The following DPP10 variants were observed in gnomAD, a reference collection of about 807,000 sequenced individuals.
The protein encoded by DPP10 is inactive dipeptidyl peptidase 10.
A neutral mutation model predicts 120.9 loss-of-function variants in DPP10; 33 were observed. The observed-to-expected ratio is 0.27, with a 90% CI of 0.21 to 0.37. The LOEUF (loss-of-function observed/expected upper bound fraction) is 0.37, where lower values mean the gene tolerates loss of function less well. DPP10 is among the 10% of genes least tolerant of loss of function. The pLI is 1.00. For missense variants in DPP10, 816 were observed against 942.8 expected, an observed-to-expected ratio of 0.87 and a Z score of 1.76; for synonymous variants, 337 against 326.1, an observed-to-expected ratio of 1.03 and a Z score of -0.36.
At chr2:115,193,010 C>T (rs1477760646) in intron 1 of DPP10, among the ~76,000 whole-genome samples, 1 of 151,776 alleles carries the variant, frequency 6.6e-6, no homozygotes, top group Non-Finnish European at 1.5e-5. Flanking sequence ...AGGTATGAAT[C>T]CACATTCTTA....
intron 1 of DPP10, among the ~76,000 whole-genome samples, chr2:114,812,199 A>G (rs995568357): frequency 2.0e-5 from 3 of 152,174 alleles, no homozygotes; most frequent in East Asian, 3.8e-4. Context: ...GCAGGAACCT[A>G]TGGTCTCTTC....
intron 3 of DPP10, among the ~76,000 whole-genome samples, chr2:115,389,262 A>AAC (rs1388951708): frequency 6.5e-5 from 7 of 107,802 alleles, no homozygotes; most frequent in African/African-American, 1.5e-4. Flanking sequence ...GCTTTTACTA[A>AAC]ACACACACAC....
intron 1 of DPP10, among the ~76,000 whole-genome samples, chr2:115,142,454 T>C (rs2050981036): frequency 6.6e-6 from 1 of 152,104 alleles, no homozygotes; most frequent in Non-Finnish European, 1.5e-5. Flanking sequence ...GCCCCAGGGA[T>C]GGAGATCAGA....
chr2:114,475,287 G>C (rs1170797997), intron 1 of DPP10, among the ~76,000 whole-genome samples: 1 of 152,168 alleles, frequency 6.6e-6, no homozygotes, highest in African/African-American at 2.4e-5. Context: ...TGGAATGAAT[G>C]AGTGAGGGTG....
intron 1 of DPP10, among the ~76,000 whole-genome samples, chr2:114,504,613 G>A (rs1051598463): frequency 6.6e-6 from 1 of 151,682 alleles, no homozygotes; most frequent in African/African-American, 2.4e-5. Flanking sequence ...TAATAACAAA[G>A]TAGCTTGCAT....
At chr2:115,042,649 C>T (rs1704747917) in intron 1 of DPP10, among the ~76,000 whole-genome samples, 1 of 152,188 alleles carries the variant, frequency 6.6e-6, no homozygotes, top group Non-Finnish European at 1.5e-5. Context: ...GTCTCTCCTA[C>T]TGTAGATCAG....
chr2:114,722,775 C>CAA lies in DPP10; in HGVS notation c.60+279961_60+279962dup, dbSNP rs61497158. 5.8e-3 allele frequency among the ~76,000 whole-genome samples: 324 copies of CAA among 55,792 alleles called. 1 individual carries two copies. Among genetic ancestry groups the CAA allele is most frequent in the Middle Eastern group, 0.02 (1 of 50 alleles). 36.6% of individuals were successfully genotyped at this position (55,792 alleles called of 152,430 possible). ...TGGGAGACAGAGCTAGGCTCTGTCTCAAAAAAAAAAAAAAAAAAAAAAAAA... is the reference window on the plus strand; with the variant it reads ...TGGGAGACAGAGCTAGGCTCTGTCTCAAAAAAAAAAAAAAAAAAAAAAAAAAA... On this transcript the variant is annotated intron_variant, in intron 1 of 25. Transcript: ENST00000410059.
chr2:115,286,506 CAT>C (rs2060389646), intron 1 of DPP10, among the ~76,000 whole-genome samples: 1 of 30,522 alleles, frequency 3.3e-5, no homozygotes, highest in Admixed American at 4.2e-4. Context: ...ATATATATTA[CAT>C]ATATAATATA....
chr2:114,651,193 A>G (rs564604894), intron 1 of DPP10, among the ~76,000 whole-genome samples: 2 of 152,280 alleles, frequency 1.3e-5, no homozygotes, highest in South Asian at 4.1e-4. Context: ...CTACGAACTA[A>G]CATGCACTTG....
At chr2:115,259,121 A>T (rs561626491) in intron 1 of DPP10, among the ~76,000 whole-genome samples, 24 of 152,266 alleles carry the variant, frequency 1.6e-4, no homozygotes, top group African/African-American at 5.8e-4. Context: ...TCATTCTGTG[A>T]TCTACAATTA....
chr2:115,684,256 T>C lies in DPP10; in HGVS notation c.442-5431T>C, dbSNP rs1371584552. ...ATTTCTGTAGAGCTGTAGTTTATCATTGTGTGAATCATATTACAACACTAG... is the reference window on the plus strand; with the variant it reads ...ATTTCTGTAGAGCTGTAGTTTATCACTGTGTGAATCATATTACAACACTAG... On this transcript the variant is annotated intron_variant, in intron 5 of 25. Coordinates refer to ENST00000410059, the MANE Select transcript of DPP10 (RefSeq NM_020868.6). 2.0e-5 allele frequency among the ~76,000 whole-genome samples: 3 copies of C among 151,932 alleles called. No individual in the cohort carries two copies. In the East Asian group the frequency reaches 5.8e-4, roughly 29 times the overall value.
chr2:115,769,232 T>C (rs1681164828), intron 13 of DPP10, among the ~76,000 whole-genome samples: 1 of 152,026 alleles, frequency 6.6e-6, no homozygotes, highest in African/African-American at 2.4e-5. Flanking sequence ...TCTTCATGAG[T>C]GTTTTACAAA....
At chr2:115,725,487 G>T (rs1481019631) in intron 7 of DPP10, among the ~76,000 whole-genome samples, 1 of 152,146 alleles carries the variant, frequency 6.6e-6, no homozygotes, top group African/African-American at 2.4e-5. Context: ...ATTCCATATT[G>T]CTTGTTCTTC....
intron 1 of DPP10, among the ~76,000 whole-genome samples, chr2:115,137,122 G>A (rs1334047735): frequency 6.6e-6 from 1 of 152,108 alleles, no homozygotes; most frequent in Non-Finnish European, 1.5e-5. Context: ...GGGAAGAGGA[G>A]GTCATCTGTG....
In DPP10 at chr2:115,744,635, T is replaced by C. The variant is rs561401952; in HGVS notation, c.853-1451T>C. Among the ~76,000 whole-genome samples the C allele has an allele frequency of 1.9e-4, 29 of 150,534 alleles. 1 individual carries two copies. In the South Asian group the frequency reaches 5.0e-3, roughly 26 times the overall value. On this transcript the variant is annotated intron_variant, in intron 9 of 25. Transcript: ENST00000410059. Reference sequence around the variant, plus strand: ...ACTTCTTTCTTTGGCTCAAAACTTCTAACCTGTGAATGATGTACTTCCACA... The same window carrying C: ...ACTTCTTTCTTTGGCTCAAAACTTCCAACCTGTGAATGATGTACTTCCACA...
intron 3 of DPP10, among the ~76,000 whole-genome samples, chr2:115,427,459 A>G (rs1171261627): frequency 1.3e-5 from 2 of 152,336 alleles, no homozygotes; most frequent in African/African-American, 2.4e-5. Flanking sequence ...GCTTAACACT[A>G]CGTGGAAACC....
intron 1 of DPP10, among the ~76,000 whole-genome samples, chr2:114,877,180 A>G (rs1691228434): frequency 6.6e-6 from 1 of 152,108 alleles, no homozygotes; most frequent in Admixed American, 6.6e-5. Flanking sequence ...ACTGCACAAA[A>G]CTAATTCAAC....
intron 1 of DPP10, among the ~76,000 whole-genome samples, chr2:114,998,108 C>A (rs916258915): frequency 6.6e-6 from 1 of 152,178 alleles, no homozygotes; most frequent in African/African-American, 2.4e-5. Flanking sequence ...CATCTTCTTA[C>A]ACTTATTTGC....
At chr2:114,480,148 A>T (rs554463131) in intron 1 of DPP10, among the ~76,000 whole-genome samples, 22 of 152,156 alleles carry the variant, frequency 1.4e-4, no homozygotes, top group African/African-American at 4.3e-4. Flanking sequence ...AATCAAAACC[A>T]CAATGAGATA....
Sources: allele counts gnomAD v4.1 joint callset (sites outside exome capture counted in the v4.1 genomes callset), GRCh38; gene constraint gnomAD v4.1.1; transcripts MANE v1.5; gene names NCBI Gene and HGNC (gene_info 2026-07-23, HGNC 2026-07-21).